Variants in FYB1 observed in about 807,000 individuals in gnomAD.
FYB1 encodes FYN-binding protein 1.
In FYB1, 41 loss-of-function variants were observed where a neutral mutation model predicts 94.1. The ratio of observed to expected loss-of-function variants is 0.44; its 90% CI spans 0.34 to 0.57. The LOEUF (loss-of-function observed/expected upper bound fraction) is 0.57, where lower values mean the gene tolerates loss of function less well. Ranked by LOEUF, FYB1 falls within the 20% of genes least tolerant of loss-of-function variation. FYB1 has a pLI of 0.02. For missense variants in FYB1, 1,050 were observed against 976.8 expected (o/e 1.07, Z -1.00); for synonymous variants, 367 against 353.2 (o/e 1.04, Z -0.44).
chr5:39,251,114 C>T (rs904057883), intron 1 of FYB1, among the ~76,000 whole-genome samples: 16 of 151,988 alleles, frequency 1.1e-4, no homozygotes, highest in Non-Finnish European at 2.2e-4. Context: ...CTCACTCAAA[C>T]CTTGAGTGAT....
In FYB1 at chr5:39,190,768, T is replaced by TTGTGTGTGTGTGTGTG. The variant is rs3028815; in HGVS notation, c.1135+11042_1135+11057dup. Among the ~76,000 whole-genome samples the TTGTGTGTGTGTGTGTG allele has an allele frequency of 4.9e-3, 715 of 146,530 alleles. 8 individuals are homozygous for TTGTGTGTGTGTGTGTG. Among genetic ancestry groups the TTGTGTGTGTGTGTGTG allele is most frequent in the African/African-American group, 0.014 (540 of 39,964 alleles). On this transcript the variant is annotated intron_variant, in intron 2 of 18. Transcript: ENST00000512982. ...TGACTGAGGAGCAAACCATGCTTATTTGTGTGTGTGTGTGTGTGTGTGTGA... is the reference window on the plus strand; with the variant it reads ...TGACTGAGGAGCAAACCATGCTTATTTGTGTGTGTGTGTGTGTGTGTGTGTGTGTGTGTGTGTGTGA...
chr5:39,126,282 A>AGT, intron 11 of FYB1, 147 bp from the exon 12 acceptor site: 1 of 840,102 alleles, frequency 1.2e-6, no homozygotes, highest in South Asian at 2.0e-5. Context: ...TGGACAAAAT[A>AGT]GTGTTATTAA....
At chr5:39,222,411 G>A (rs148693189), upstream of FYB1, among the ~76,000 whole-genome samples, 744 of 152,300 alleles carry the variant, frequency 4.9e-3, 5 homozygotes, top group African/African-American at 0.017. Context: ...TTCCTGGTTT[G>A]TGGGACTCTT....
At chr5:39,120,894 T>C (rs1740029673) in intron 14 of FYB1, among the ~76,000 whole-genome samples, 2 of 152,084 alleles carry the variant, frequency 1.3e-5, no homozygotes, top group African/African-American at 2.4e-5. Context: ...TTTGTGGAAT[T>C]ACTGCCCCAG....
intron 13 of FYB1, among the ~76,000 whole-genome samples, chr5:39,123,896 T>C (rs532244257): frequency 3.9e-5 from 6 of 152,188 alleles, no homozygotes; most frequent in African/African-American, 1.4e-4. Context: ...CTTACTGGCA[T>C]GTAATCTGGA....
intron 2 of FYB1, among the ~76,000 whole-genome samples, chr5:39,196,193 T>A (rs911158075): frequency 5.3e-5 from 8 of 150,048 alleles, no homozygotes; most frequent in African/African-American, 2.0e-4. Context: ...AAATTCTAGT[T>A]AAATATAATT....
chr5:39,111,818 A>T (rs1739102833), intron 16 of FYB1, among the ~76,000 whole-genome samples: 2 of 152,096 alleles, frequency 1.3e-5, no homozygotes, highest in South Asian at 2.1e-4. Flanking sequence ...ATGTGTCAAG[A>T]TAATAAAAGC....
intron 6 of FYB1, chr5:39,138,013 A>G (rs2150324424): frequency 2.6e-6 from 1 of 380,304 alleles, no homozygotes; most frequent in South Asian, 2.7e-5. Flanking sequence ...CATAAATAGA[A>G]TCCATCTCTT....
At chr5:39,264,874 T>G (rs1752360072) in intron 1 of FYB1, among the ~76,000 whole-genome samples, 2 of 152,156 alleles carry the variant, frequency 1.3e-5, no homozygotes, top group African/African-American at 4.8e-5. Context: ...ATTTCTCCCC[T>G]CCATTTTCTA....
At position 39,132,190 on chromosome 5, in the gene FYB1, C is replaced by T. The variant is rs1280535518; in HGVS notation, c.1818-1578G>A. On this transcript the variant is annotated intron_variant, in intron 9 of 18. Transcript: ENST00000512982. ...GCACTCACAGCCATTGCTCTTCACT[C>T]TAGGGAATCAGGAAAGAGCTGGTAG... Among the ~76,000 whole-genome samples, 2 of 152,168 alleles carry T rather than the reference C, an allele frequency of 1.3e-5. 1 individual carries two copies.
At chr5:39,233,715 C>T (rs1272049253) in intron 1 of FYB1, among the ~76,000 whole-genome samples, 1 of 152,056 alleles carries the variant, frequency 6.6e-6, no homozygotes, top group African/African-American at 2.4e-5. Flanking sequence ...CTGATGTTTG[C>T]TCTGCATTCA....
intron 16 of FYB1, 92 bp downstream of exon 16, chr5:39,118,782 A>T: frequency 2.7e-6 from 2 of 739,830 alleles, no homozygotes; most frequent in Non-Finnish European, 4.1e-6. Context: ...GATAAGAGTT[A>T]GTAAACACAG....
chr5:39,155,151 G>A (rs1580408511), intron 2 of FYB1, among the ~76,000 whole-genome samples: 1 of 152,132 alleles, frequency 6.6e-6, no homozygotes, highest in Admixed American at 6.5e-5. Flanking sequence ...GAAGGGTAAT[G>A]CCAAGGTTTT....
chr5:39,119,464 T>C (rs1739881081), intron 15 of FYB1, 71 bp downstream of exon 15: 6 of 1,156,494 alleles, frequency 5.2e-6, no homozygotes, highest in Non-Finnish European at 5.8e-6. Flanking sequence ...TAGTGTTTTT[T>C]TTGTTACTTA....
chr5:39,185,805 C>G (rs371434365), intron 2 of FYB1, among the ~76,000 whole-genome samples: 1 of 151,922 alleles, frequency 6.6e-6, no homozygotes, highest in Admixed American at 6.6e-5. Context: ...GGAGCCACTC[C>G]GTGAGGGTTC....
intron 2 of FYB1, among the ~76,000 whole-genome samples, chr5:39,183,702 T>C (rs1006927577): frequency 8.5e-5 from 13 of 152,192 alleles, no homozygotes. Flanking sequence ...CTTGACTTTG[T>C]AAAAATCAAA....
chr5:39,163,864 T>C (rs1401750774), intron 2 of FYB1, among the ~76,000 whole-genome samples: 1 of 152,016 alleles, frequency 6.6e-6, no homozygotes, highest in South Asian at 2.1e-4. Context: ...ATTCTTCAAA[T>C]ATGAAAAGTT....
chr5:39,231,373 T>A (rs1301489196), intron 1 of FYB1, among the ~76,000 whole-genome samples: 2 of 152,086 alleles, frequency 1.3e-5, no homozygotes, highest in Non-Finnish European at 2.9e-5. Flanking sequence ...TCTCTAAATG[T>A]ACTGAGTACC....
chr5:39,122,357 G>T lies in FYB1; in HGVS notation c.2117C>A (p.Pro706His). Residue 706 changes from proline to histidine, a missense_variant, in exon 14 of 19, where the codon CCT (proline) becomes CAT (histidine). Pro to His is a moderately conservative substitution (Grantham distance 77). Transcript: ENST00000512982. ...VYDDVDTSDFPVSSAEMSQGT... is the reference protein window; with the variant it reads ...VYDDVDTSDFHVSSAEMSQGT... ...TTACCTCATCTCTGCTGATGAAACA[G>T]GGAAATCAGAGGTATCCACATCATC... 1 of 1,576,998 alleles carries T rather than the reference G, an allele frequency of 6.3e-7. No individual in the cohort carries two copies.
Sources: gnomAD v4.1 joint callset for allele counts (sites outside exome capture counted in the v4.1 genomes callset) on GRCh38, gnomAD v4.1.1 for gene constraint, MANE v1.5 for transcripts, NCBI Gene and HGNC (gene_info 2026-07-23, HGNC 2026-07-21) for gene names.